The following ANKS1B variants were observed in gnomAD, a reference collection of about 807,000 sequenced individuals.
ANKS1B encodes ankyrin repeat and sterile alpha motif domain containing 1B, also known as ankyrin repeat and sterile alpha motif domain-containing protein 1B.
Under a neutral mutation model 148.3 loss-of-function variants are expected in ANKS1B, and 36 were observed. The observed-to-expected ratio is 0.24, with a 90% CI of 0.19 to 0.32. ANKS1B has a LOEUF of 0.32. ANKS1B is among the 10% of genes least tolerant of loss of function. The pLI, the probability that ANKS1B is intolerant of heterozygous loss-of-function variation, is 1.00. For synonymous variants in ANKS1B, 542 were observed against 560.8 expected, an observed-to-expected ratio of 0.97 and a Z score of 0.47; for missense variants, 1,157 against 1,542.6, an observed-to-expected ratio of 0.75 and a Z score of 4.19.
intron 14 of ANKS1B, among the ~76,000 whole-genome samples, chr12:99,208,630 TCATA>T (rs2082961024): frequency 1.3e-5 from 2 of 152,122 alleles, no homozygotes; most frequent in Non-Finnish European, 2.9e-5. Context: ...AATGTTAAGG[TCATA>T]CCATTGGACT....
At chr12:99,718,050 C>T (rs1479782148) in intron 8 of ANKS1B, among the ~76,000 whole-genome samples, 1 of 151,558 alleles carries the variant, frequency 6.6e-6, no homozygotes, top group Non-Finnish European at 1.5e-5. Flanking sequence ...ACTACAGGCG[C>T]CCGCTACCAC....
At chr12:99,672,869 A>C (rs1045802213) in intron 8 of ANKS1B, among the ~76,000 whole-genome samples, 2 of 152,196 alleles carry the variant, frequency 1.3e-5, no homozygotes, top group African/African-American at 4.8e-5. Flanking sequence ...GCAGGAAATG[A>C]TAAGAAAAGA....
At chr12:98,794,285 G>A (rs2098924677) in intron 22 of ANKS1B, among the ~76,000 whole-genome samples, 1 of 151,050 alleles carries the variant, frequency 6.6e-6, no homozygotes, top group Non-Finnish European at 1.5e-5. Flanking sequence ...CCAGCTACTG[G>A]GGAGGCTGAG....
Position 99,307,007 on chromosome 12 carries a change from A to G in ANKS1B, c.1757-60143T>C, listed in dbSNP as rs373742552. Among the ~76,000 whole-genome samples, 6 of 152,086 alleles carry G rather than the reference A, an allele frequency of 3.9e-5. No individual in the cohort carries two copies. In the East Asian group the frequency reaches 7.7e-4, roughly 20 times the overall value. On this transcript the variant is annotated intron_variant, in intron 12 of 26. Coordinates refer to ENST00000683438, the MANE Select transcript of ANKS1B (RefSeq NM_001352186.2). ...AGCATCCACAACTTTGGAAAGTACA[A>G]TGTAATGGTCCTTGTCGTCCCTGGC...
At chr12:99,123,475 T>C (rs372721428) in intron 15 of ANKS1B, among the ~76,000 whole-genome samples, 1 of 151,984 alleles carries the variant, frequency 6.6e-6, no homozygotes, top group South Asian at 2.1e-4. Context: ...GATGAATATA[T>C]GAAGGGGAGT....
chr12:99,914,138 T>G (rs1241323495), intron 1 of ANKS1B, among the ~76,000 whole-genome samples: 1 of 152,182 alleles, frequency 6.6e-6, no homozygotes, highest in African/African-American at 2.4e-5. Flanking sequence ...GCCTAAGTCC[T>G]TACACCAGGG....
intron 12 of ANKS1B, among the ~76,000 whole-genome samples, chr12:99,331,386 T>C (rs1422121016): frequency 6.6e-6 from 1 of 151,688 alleles, no homozygotes; most frequent in Non-Finnish European, 1.5e-5. Flanking sequence ...GCATTGGCAG[T>C]TTCCATGATA....
intron 1 of ANKS1B, among the ~76,000 whole-genome samples, chr12:99,907,812 TAAAA>T (rs751468199): frequency 1.8e-3 from 178 of 100,156 alleles, no homozygotes; most frequent in Admixed American, 5.5e-3. Context: ...GAGAAATTCT[TAAAA>T]AAAAAAAAAA....
At chr12:99,695,539 A>G (rs190984731) in intron 8 of ANKS1B, among the ~76,000 whole-genome samples, 53 of 152,338 alleles carry the variant, frequency 3.5e-4, no homozygotes, top group Non-Finnish European at 7.3e-5. Context: ...TCACTGTCTT[A>G]TGCATGGTGG....
Position 99,825,354 on chromosome 12 carries a change from C to G in ANKS1B, c.170G>C (p.Ser57Thr). ...GTGGTGTAAAGCAGTGTAACCCGAA[C>G]TGTCTGTGCAGTTCACATTGGGGCC... ...WRGPNVNCTD[S>T]SGYTALHHAA... Residue 57 changes from serine (S) to threonine (T), a missense_variant, in exon 2 of 27, where the codon AGT becomes ACT. Around this residue, in one of 6 missense-constraint regions of ANKS1B, gnomAD observed 164 missense variants for 232.6 expected, o/e 0.71. Transcript: ENST00000683438. 6.2e-7 allele frequency: 1 copy of G among 1,612,616 alleles called. No homozygotes were observed. The highest frequency in any genetic ancestry group is 8.5e-7 in the Non-Finnish European group (1 of 1,179,336).
rs1034444944 is a variant in ANKS1B, at chr12:99,453,998, G to T, written c.1439-10189C>A. Reference sequence around the variant, plus strand: ...AATGTAATAGCCTTGAGGAATGAGTGCCATCAAGAACTCAAAGAGGGAGAA... The same window carrying T: ...AATGTAATAGCCTTGAGGAATGAGTTCCATCAAGAACTCAAAGAGGGAGAA... On this transcript the variant is annotated intron_variant, in intron 10 of 26. Transcript: ENST00000683438. Among the ~76,000 whole-genome samples, 8 of 152,260 alleles carry T rather than the reference G, an allele frequency of 5.3e-5. No homozygotes were observed. In the South Asian group the frequency reaches 1.4e-3, roughly 28 times the overall value.
rs569875154 is a variant in ANKS1B, at chr12:99,043,598, G to A, written c.2778+9559C>T. Among the ~76,000 whole-genome samples, 157 of 152,278 alleles carry A rather than the reference G, an allele frequency of 1.0e-3. 6 individuals are homozygous for A. In the South Asian group the frequency reaches 0.032, roughly 31 times the overall value. On this transcript the variant is annotated intron_variant, in intron 17 of 26. Transcript: ENST00000683438. ...CTCAAGGTAATAGCTCTTTCCTTAA[G>A]TTCAAAAAGATTTTCAGACCACTGA...
At chr12:99,709,854 G>A (rs1002343364) in intron 8 of ANKS1B, among the ~76,000 whole-genome samples, 4 of 151,998 alleles carry the variant, frequency 2.6e-5, no homozygotes, top group Non-Finnish European at 5.9e-5. Context: ...AGCAAATAAT[G>A]TTTCTACTTC....
At chr12:99,712,084 T>A (rs913438436) in intron 8 of ANKS1B, among the ~76,000 whole-genome samples, 2 of 152,158 alleles carry the variant, frequency 1.3e-5, no homozygotes, top group African/African-American at 4.8e-5. Flanking sequence ...CTTAGCAAAC[T>A]AATGCAAGAA....
At chr12:98,837,332 G>C (rs1222430134) in intron 17 of ANKS1B, among the ~76,000 whole-genome samples, 1 of 140,402 alleles carries the variant, frequency 7.1e-6, no homozygotes, top group East Asian at 2.0e-4. Context: ...GCAAGACTCT[G>C]TCTCAGAAAA....
At chr12:99,785,032 G>A (rs920541325) in intron 4 of ANKS1B, among the ~76,000 whole-genome samples, 9 of 152,148 alleles carry the variant, frequency 5.9e-5, no homozygotes, top group Non-Finnish European at 1.0e-4. Flanking sequence ...AAATATAGAT[G>A]TTTAGGAATT....
chr12:99,601,091 A>G (rs116554364), intron 9 of ANKS1B, among the ~76,000 whole-genome samples: 2,487 of 152,130 alleles, frequency 0.016, 87 homozygotes, highest in African/African-American at 0.057. Flanking sequence ...TGTCTTGCAT[A>G]TATTTGCTTT....
At chr12:98,823,485 G>GA (rs1164598989) in intron 19 of ANKS1B, among the ~76,000 whole-genome samples, 1 of 152,050 alleles carries the variant, frequency 6.6e-6, no homozygotes, top group East Asian at 1.9e-4. Context: ...TTAGTTTGGG[G>GA]AAAAAAACAC....
intron 9 of ANKS1B, among the ~76,000 whole-genome samples, chr12:99,650,480 C>T (rs574974439): frequency 6.6e-6 from 1 of 152,176 alleles, no homozygotes; most frequent in African/African-American, 2.4e-5. Flanking sequence ...ATCATACTTT[C>T]CAGAAAGGGC....
Sources: gnomAD v4.1 joint callset for allele counts (sites outside exome capture counted in the v4.1 genomes callset) on GRCh38, gnomAD v4.1.1 for gene constraint, gnomAD v4.1.1 regional missense constraint, MANE v1.5 for transcripts, NCBI Gene and HGNC (gene_info 2026-07-23, HGNC 2026-07-21) for gene names.